The following RECK variants were observed in gnomAD, a reference collection of about 807,000 sequenced individuals.
The protein encoded by RECK is reversion-inducing cysteine-rich protein with Kazal motifs.
A neutral mutation model predicts 115.1 loss-of-function variants in RECK; 69 were observed. That is an observed-to-expected ratio of 0.60 (90% CI 0.49 to 0.73). RECK has a LOEUF of 0.73. RECK is among the 30% of genes least tolerant of loss of function. The probability of loss-of-function intolerance (pLI) is 0.00; values close to 1 mark genes in which losing one functional copy is unlikely to be tolerated. For missense variants in RECK, 1,047 were observed against 1,203.7 expected, an observed-to-expected ratio of 0.87 and a Z score of 1.93; for synonymous variants, 414 against 419.7, an observed-to-expected ratio of 0.99 and a Z score of 0.17.
At chr9:36,052,220 T>C in intron 1 of RECK, 45 bp from the exon 2 acceptor site, 1 of 1,166,534 alleles carries the variant, frequency 8.6e-7, no homozygotes, top group African/African-American at 1.5e-5. Flanking sequence ...TTAGTCATCT[T>C]GTTTAACAGT....
At chr9:36,073,358 C>T (rs1019172274) in intron 6 of RECK, among the ~76,000 whole-genome samples, 1 of 151,906 alleles carries the variant, frequency 6.6e-6, no homozygotes, top group South Asian at 2.1e-4. Context: ...GGCACATCAA[C>T]TTAAATGCCT....
At chr9:36,037,612 C>T (rs2296255) in intron 1 of RECK, among the ~76,000 whole-genome samples, 2,471 of 151,844 alleles carry the variant, frequency 0.016, 54 homozygotes, top group East Asian at 0.061. Flanking sequence ...AATCAGTAAA[C>T]CCTGTCCCCC....
Position 36,052,043 on chromosome 9 carries a change from C to G in RECK, c.101-222C>G, listed in dbSNP as rs1338206953. Reference sequence around the variant, plus strand: ...GTAGCTATTATTATTACATGACAGTCTCCCCTATTAGACTGCAAGCTTCTT... The same window carrying G: ...GTAGCTATTATTATTACATGACAGTGTCCCCTATTAGACTGCAAGCTTCTT... On this transcript the variant is annotated intron_variant, in intron 1 of 20. Coordinates refer to ENST00000377966, the MANE Select transcript of RECK (RefSeq NM_021111.3). Among the ~76,000 whole-genome samples, 3 of 152,194 alleles carry G rather than the reference C, an allele frequency of 2.0e-5. 1 individual carries two copies. Among genetic ancestry groups the G allele is most frequent in the Admixed American group, 6.5e-5 (1 of 15,276 alleles).
At chr9:36,071,643 C>T (rs1222363887) in intron 6 of RECK, among the ~76,000 whole-genome samples, 1 of 152,100 alleles carries the variant, frequency 6.6e-6, no homozygotes, top group African/African-American at 2.4e-5. Context: ...TTCTTCAATA[C>T]ACTTTTTTGA....
chr9:36,056,198 T>G (rs1414156930), intron 2 of RECK, among the ~76,000 whole-genome samples: 1 of 152,088 alleles, frequency 6.6e-6, no homozygotes, highest in Non-Finnish European at 1.5e-5. Context: ...TGTCATATTA[T>G]TTGATCCATA....
intron 18 of RECK, among the ~76,000 whole-genome samples, chr9:36,120,424 C>G (rs540684098): frequency 6.6e-6 from 1 of 152,186 alleles, no homozygotes; most frequent in East Asian, 1.9e-4. Flanking sequence ...CTATCTGCAC[C>G]ACAGCCTTCT....
At chr9:36,097,472 C>G (rs1406364755) in intron 10 of RECK, among the ~76,000 whole-genome samples, 1 of 152,004 alleles carries the variant, frequency 6.6e-6, no homozygotes, top group Non-Finnish European at 1.5e-5. Context: ...ATTAAAACCA[C>G]AATGAACTAT....
chr9:36,096,212 G>A (rs7030285), intron 10 of RECK, among the ~76,000 whole-genome samples: 2,557 of 151,562 alleles, frequency 0.017, 75 homozygotes, highest in African/African-American at 0.06. Context: ...ACTCCAACCT[G>A]GGTGACAGAG....
chr9:36,107,819 A>T (rs1342579194), intron 13 of RECK, among the ~76,000 whole-genome samples, 157 bp from the exon 14 acceptor site: 1 of 152,196 alleles, frequency 6.6e-6, no homozygotes, highest in African/African-American at 2.4e-5. Flanking sequence ...TTTTTGGCCA[A>T]TGAACCAAAG....
chr9:36,064,659 C>T, intron 5 of RECK, among the ~76,000 whole-genome samples: 1 of 152,198 alleles, frequency 6.6e-6, no homozygotes, highest in East Asian at 1.9e-4. Flanking sequence ...CTGGGCAGCA[C>T]ATGACCTAGC....
chr9:36,048,246 A>T (rs1028302324), intron 1 of RECK, among the ~76,000 whole-genome samples: 1 of 150,116 alleles, frequency 6.7e-6, no homozygotes, highest in South Asian at 2.1e-4. Flanking sequence ...TGACTTGCCA[A>T]TTCTAGACAG....
In RECK at chr9:36,100,345, T is replaced by C; in HGVS notation, c.1100T>C (p.Phe367Ser). Reference sequence around the variant, plus strand: ...TTTCTCTTTAGGCCAACAGAACTTTTCAGGAGTTGTAATGCACAGTCAGAT... The same window carrying C: ...TTTCTCTTTAGGCCAACAGAACTTTCCAGGAGTTGTAATGCACAGTCAGAT... ...TNFNNRPTEL[F>S]RSCNAQSDQG... The change falls in exon 11 of 21, where the codon TTC (phenylalanine) becomes TCC (serine). Residue 367 changes from phenylalanine (F) to serine (S), a missense_variant. Coordinates refer to ENST00000377966, the MANE Select transcript of RECK (RefSeq NM_021111.3). 2.5e-6 allele frequency: 4 copies of C among 1,614,098 alleles called. No individual in the cohort carries two copies. Among genetic ancestry groups the C allele is most frequent in the Non-Finnish European group, 3.4e-6 (4 of 1,179,958 alleles).
chr9:36,072,463 A>G (rs1040729415), intron 6 of RECK, among the ~76,000 whole-genome samples: 2 of 152,192 alleles, frequency 1.3e-5, no homozygotes, highest in Admixed American at 1.3e-4. Flanking sequence ...AGCCTAGGCT[A>G]TGGACAGTTT....
chr9:36,099,934 T>C (rs1823499328), intron 10 of RECK, among the ~76,000 whole-genome samples: 2 of 152,360 alleles, frequency 1.3e-5, no homozygotes, highest in South Asian at 4.1e-4. Flanking sequence ...GATGTGCTTA[T>C]GGATGTACAT....
chr9:36,120,244 A>C (rs1181231708), intron 18 of RECK, among the ~76,000 whole-genome samples: 2 of 152,156 alleles, frequency 1.3e-5, no homozygotes, highest in Non-Finnish European at 2.9e-5. Flanking sequence ...CAAAAAAAAA[A>C]AAAATTAAAT....
chr9:36,106,981 C>T (rs1019487914), intron 13 of RECK, among the ~76,000 whole-genome samples: 9 of 151,724 alleles, frequency 5.9e-5, no homozygotes, highest in African/African-American at 2.2e-4. Context: ...TGGTGGGCAC[C>T]TGTAGTCCCA....
In RECK at chr9:36,100,544, G is replaced by A. The variant is rs762052283; in HGVS notation, c.1298+1G>A. 1 of 1,609,580 alleles carries A rather than the reference G, an allele frequency of 6.2e-7. No homozygotes were observed. The highest frequency in any genetic ancestry group is 1.1e-5 in the South Asian group (1 of 90,942). On this transcript the variant is annotated splice_donor_variant, in intron 11 of 20. Coordinates refer to ENST00000377966, the MANE Select transcript of RECK (RefSeq NM_021111.3). LOFTEE classifies it high-confidence loss of function. ...AATCTCGGGGAAGTATTATTTGCAA[G>A]TAAGTTTCTTTCATCCTAACGATTC...
chr9:36,116,774 C>T (rs543670597), intron 16 of RECK, among the ~76,000 whole-genome samples: 32 of 152,364 alleles, frequency 2.1e-4, no homozygotes, highest in African/African-American at 7.2e-4. Context: ...AATGACTCAT[C>T]CCCGCAAGCT....
At position 36,120,725 on chromosome 9, in the gene RECK, A is replaced by G. The variant is rs1267257753; in HGVS notation, c.2527A>G (p.Thr843Ala). ...RVLFDKEKLD[T>A]IAKVTNKKPI... is the part of the protein sequence containing the mutation. ...TTTATTTGACAAAGAAAAACTGGAT[A>G]CTATTGCTAAGGTAAATTGCTTTAT... Residue 843 changes from threonine to alanine, a missense_variant, in exon 19 of 21, where the codon ACT becomes GCT. Transcript: ENST00000377966. The G allele has an allele frequency of 2.5e-6, 4 of 1,606,532 alleles. No homozygotes were observed. Among genetic ancestry groups the G allele is most frequent in the Non-Finnish European group, 3.4e-6 (4 of 1,173,070 alleles).
Sources: allele counts gnomAD v4.1 joint callset (sites outside exome capture counted in the v4.1 genomes callset), GRCh38; gene constraint gnomAD v4.1.1; transcripts MANE v1.5; gene names NCBI Gene and HGNC (gene_info 2026-07-23, HGNC 2026-07-21).